KATNA1: variants seen among roughly 807,000 people sequenced by gnomAD.
The protein encoded by KATNA1 is katanin p60 ATPase-containing subunit A1.
In KATNA1, 42 loss-of-function variants were observed where a neutral mutation model predicts 62.6. The ratio of observed to expected loss-of-function variants is 0.67; its 90% CI spans 0.52 to 0.87. The LOEUF (loss-of-function observed/expected upper bound fraction) is 0.87, where lower values mean the gene tolerates loss of function less well. Ranked by LOEUF, KATNA1 falls within the 40% of genes least tolerant of loss-of-function variation. The pLI is 0.00. For synonymous variants in KATNA1, 186 were observed against 201.9 expected (o/e 0.92, Z 0.67); for missense variants, 498 against 612.5 (o/e 0.81, Z 1.97).
At position 149,624,973 on chromosome 6, in the gene KATNA1, T is replaced by C. The variant is rs141998575; in HGVS notation, c.321-1690A>G. Among the ~76,000 whole-genome samples, 118 of 149,752 alleles carry C rather than the reference T, an allele frequency of 7.9e-4. 1 individual carries two copies. Among genetic ancestry groups the C allele is most frequent in the African/African-American group, 2.8e-3 (112 of 40,572 alleles). On this transcript the variant is annotated intron_variant, in intron 3 of 10. Coordinates refer to ENST00000367411, the MANE Select transcript of KATNA1 (RefSeq NM_007044.4). The stretch of plus-strand genomic sequence containing the variant: ...GCAGGAGTTGAACTAAACAAGAGGG[T>C]ACAATTATAGACAGAACATCAGTAA...
rs570687011 is a variant in KATNA1, at chr6:149,637,197, A to T, written c.162+1189T>A. On this transcript the variant is annotated intron_variant, in intron 2 of 10. Transcript: ENST00000367411. Reference sequence around the variant, plus strand: ...GAGGCTGAGGTGGAAGGATCACTTTAGCCTAAGAGTTTGAGACCAGCCTGG... The same window carrying T: ...GAGGCTGAGGTGGAAGGATCACTTTTGCCTAAGAGTTTGAGACCAGCCTGG... 3.9e-5 allele frequency among the ~76,000 whole-genome samples: 6 copies of T among 151,902 alleles called. No homozygotes were observed. The East Asian group carries it at 1.2e-3, about 30-fold the overall frequency.
At chr6:149,631,786 C>G (rs1361335733) in intron 3 of KATNA1, among the ~76,000 whole-genome samples, 19 of 152,160 alleles carry the variant, frequency 1.2e-4, no homozygotes, top group Admixed American at 1.0e-3. Context: ...CACCTGCACA[C>G]TTGTCAGTTG....
chr6:149,603,131 A>C, intron 6 of KATNA1, 137 bp downstream of exon 6: 1 of 485,298 alleles, frequency 2.1e-6, no homozygotes, highest in Non-Finnish European at 3.7e-6. Context: ...TCTCAGTAGC[A>C]CAACATATAC....
intron 10 of KATNA1, among the ~76,000 whole-genome samples, chr6:149,595,962 A>ATAAG (rs1778293449): frequency 1.3e-5 from 2 of 152,212 alleles, no homozygotes; most frequent in African/African-American, 4.8e-5. Context: ...CACATTTAGG[A>ATAAG]TAAGTTCACT....
In KATNA1 at chr6:149,610,885, G is replaced by A. The variant is rs150374719; in HGVS notation, c.502-6103C>T. 3.9e-5 allele frequency among the ~76,000 whole-genome samples: 6 copies of A among 152,236 alleles called. No individual in the cohort carries two copies. In the East Asian group the frequency reaches 1.2e-3, roughly 29 times the overall value. The stretch of plus-strand genomic sequence containing the variant: ...GGATCACCTGAGGTCAGGAATTTGA[G>A]ACCAGCTTGGCCAACGTGGCAAAAC... On this transcript the variant is annotated intron_variant, in intron 4 of 10. Coordinates refer to ENST00000367411, the MANE Select transcript of KATNA1 (RefSeq NM_007044.4).
At chr6:149,602,414 C>T (rs1778581076) in intron 6 of KATNA1, among the ~76,000 whole-genome samples, 1 of 152,064 alleles carries the variant, frequency 6.6e-6, no homozygotes, top group Admixed American at 6.6e-5. Flanking sequence ...CAAAGTATAT[C>T]TATCATTTTG....
chr6:149,603,835 G>GT (rs757873839), intron 5 of KATNA1, among the ~76,000 whole-genome samples: 35 of 152,148 alleles, frequency 2.3e-4, no homozygotes, highest in Admixed American at 3.9e-4. Flanking sequence ...AGGTTAAAGA[G>GT]TATCACAGAG....
chr6:149,631,276 G>A lies in KATNA1; in HGVS notation c.320+1483C>T, dbSNP rs1052907065. Among the ~76,000 whole-genome samples the A allele has an allele frequency of 2.6e-5, 4 of 152,132 alleles. No individual in the cohort carries two copies. In the South Asian group the frequency reaches 8.3e-4, roughly 31 times the overall value. On this transcript the variant is annotated intron_variant, in intron 3 of 10. Coordinates refer to ENST00000367411, the MANE Select transcript of KATNA1 (RefSeq NM_007044.4). ...TAGCTGGGCATGATGGCAGGTGCCT[G>A]TAATTCCAGCTACTTGGGGGGTTGA... is the stretch of plus-strand genomic sequence containing the variant.
intron 2 of KATNA1, among the ~76,000 whole-genome samples, chr6:149,637,291 GGTTC>G (rs1780098019): frequency 6.6e-6 from 1 of 151,924 alleles, no homozygotes; most frequent in Non-Finnish European, 1.5e-5. Flanking sequence ...GAACACCTGT[GGTTC>G]CACCCACTCA....
chr6:149,632,850 T>C lies in KATNA1; in HGVS notation c.229A>G (p.Lys77Glu). ...GCTTTCAAGGGAGTGCTGTCCAGTTTAAAGCTCTCTAGTGTTTTCATGATA... is the reference window on the plus strand; with the variant it reads ...GCTTTCAAGGGAGTGCTGTCCAGTTCAAAGCTCTCTAGTGTTTTCATGATA... ...KDIMKTLESFKLDSTPLKAAQ... is the reference protein window; with the variant it reads ...KDIMKTLESFELDSTPLKAAQ... Residue 77 changes from lysine (K) to glutamate (E), a missense_variant, in exon 3 of 11, where the codon AAA (lysine) becomes GAA (glutamate). By Grantham distance (56) the Lys-to-Glu change is moderately conservative. Coordinates refer to ENST00000367411, the MANE Select transcript of KATNA1 (RefSeq NM_007044.4). 1 of 1,613,362 alleles carries C rather than the reference T, an allele frequency of 6.2e-7. No homozygotes were observed. Among genetic ancestry groups the C allele is most frequent in the Non-Finnish European group, 8.5e-7 (1 of 1,179,572 alleles).
intron 5 of KATNA1, among the ~76,000 whole-genome samples, chr6:149,604,421 G>A (rs766721217): frequency 5.3e-5 from 8 of 152,104 alleles, no homozygotes; most frequent in Admixed American, 2.6e-4. Flanking sequence ...AGCTATGATC[G>A]AGCCACTGTC....
intron 2 of KATNA1, among the ~76,000 whole-genome samples, chr6:149,633,889 G>C (rs1779953240): frequency 6.6e-6 from 1 of 152,046 alleles, no homozygotes; most frequent in African/African-American, 2.4e-5. Context: ...CTGGGAGGCG[G>C]AGGTTGCGGC....
At chr6:149,628,819 CAAAAAAAAAAAA>C (rs1779721483) in intron 3 of KATNA1, among the ~76,000 whole-genome samples, 1 of 92,804 alleles carries the variant, frequency 1.1e-5, no homozygotes, top group Non-Finnish European at 2.2e-5. Flanking sequence ...GACTCCATCT[CAAAAAAAAAAAA>C]GAAAAAAAAA....
At chr6:149,632,091 C>T (rs1458938258) in intron 3 of KATNA1, among the ~76,000 whole-genome samples, 2 of 152,044 alleles carry the variant, frequency 1.3e-5, no homozygotes, top group African/African-American at 2.4e-5. Flanking sequence ...CCTCTCTTTG[C>T]GTAAGAAAAA....
At chr6:149,647,941 T>C (rs1320666300) in intron 1 of KATNA1, among the ~76,000 whole-genome samples, 1 of 152,212 alleles carries the variant, frequency 6.6e-6, no homozygotes. Context: ...ATGAAACAAC[T>C]GTTTCGAGGG....
intron 8 of KATNA1, 81 bp from the exon 9 acceptor site, chr6:149,597,722 A>G: frequency 1.5e-6 from 2 of 1,332,726 alleles, no homozygotes; most frequent in Non-Finnish European, 2.1e-6. Flanking sequence ...AAAGATCAAC[A>G]ACTATTTAGT....
intron 10 of KATNA1, among the ~76,000 whole-genome samples, chr6:149,595,545 G>C (rs1265195825): frequency 6.6e-6 from 1 of 151,754 alleles, no homozygotes; most frequent in Non-Finnish European, 1.5e-5. Context: ...ATAAAATGAA[G>C]AATAAGCATC....
chr6:149,603,490 T>G, intron 5 of KATNA1, 117 bp from the exon 6 acceptor site: 1 of 542,906 alleles, frequency 1.8e-6, no homozygotes, highest in Non-Finnish European at 3.3e-6. Context: ...TGAGCCTCTC[T>G]CTGAGCCCGG....
chr6:149,603,400 A>G, intron 5 of KATNA1, 27 bp from the exon 6 acceptor site: 2 of 1,102,240 alleles, frequency 1.8e-6, no homozygotes, highest in Non-Finnish European at 2.8e-6. Flanking sequence ...TTTATTAACA[A>G]CCCTTTAGAT....
Sources: gnomAD v4.1 joint callset for allele counts (sites outside exome capture counted in the v4.1 genomes callset) on GRCh38, gnomAD v4.1.1 for gene constraint, MANE v1.5 for transcripts, NCBI Gene and HGNC (gene_info 2026-07-23, HGNC 2026-07-21) for gene names.